PDZD2: variants seen among roughly 807,000 people sequenced by gnomAD.
PDZD2 encodes the protein PDZ domain-containing protein 2.
A neutral mutation model predicts 220.7 loss-of-function variants in PDZD2; 90 were observed. The ratio of observed to expected loss-of-function variants is 0.41; its 90% confidence interval spans 0.34 to 0.49. The LOEUF (loss-of-function observed/expected upper bound fraction) is 0.49. Among genes scored for constraint, PDZD2 ranks in the 20% least tolerant of loss-of-function variants. PDZD2 has a pLI of 0.28. For synonymous variants in PDZD2, 1,375 were observed against 1,450.5 expected (o/e 0.95, Z 1.18); for missense variants, 3,174 against 3,608.5 (o/e 0.88, Z 3.08).
At chr5:31,980,567 A>T (rs17510481) in intron 2 of PDZD2, among the ~76,000 whole-genome samples, 47,536 of 151,986 alleles carry the variant, frequency 0.31, 7,654 homozygotes, top group Middle Eastern at 0.41. Flanking sequence ...CCCTGCACTG[A>T]TTTGTTGACA....
intron 2 of PDZD2, among the ~76,000 whole-genome samples, chr5:31,841,608 G>T (rs1757309689): frequency 6.6e-6 from 1 of 151,960 alleles, no homozygotes; most frequent in African/African-American, 2.4e-5. Flanking sequence ...AGGAGGCGGA[G>T]GTTGCAGTGA....
chr5:32,049,033 G>T (rs1160009301), intron 8 of PDZD2, among the ~76,000 whole-genome samples: 3 of 152,164 alleles, frequency 2.0e-5, no homozygotes, highest in African/African-American at 7.2e-5. Flanking sequence ...ACAACTGTGG[G>T]TGGGTATGGG....
intron 1 of PDZD2, among the ~76,000 whole-genome samples, chr5:31,647,435 C>T (rs562428443): frequency 1.4e-4 from 21 of 152,246 alleles, no homozygotes; most frequent in South Asian, 4.1e-4. Flanking sequence ...TTCACAGGTC[C>T]GAAGTCTGAA....
chr5:31,976,000 G>C (rs1171050154), intron 2 of PDZD2, among the ~76,000 whole-genome samples: 1 of 151,696 alleles, frequency 6.6e-6, no homozygotes, highest in East Asian at 1.9e-4. Context: ...TCACTATGCT[G>C]CTCAGGCTGG....
chr5:31,891,028 A>G (rs1740978255), intron 2 of PDZD2, among the ~76,000 whole-genome samples: 1 of 151,760 alleles, frequency 6.6e-6, no homozygotes, highest in Non-Finnish European at 1.5e-5. Flanking sequence ...CAGAACCCTG[A>G]GCTGAGTGCC....
intron 2 of PDZD2, among the ~76,000 whole-genome samples, chr5:31,880,791 CTTTTTTTTTT>C (rs1037018187): frequency 2.6e-5 from 2 of 76,486 alleles, no homozygotes; most frequent in Non-Finnish European, 2.4e-5. Context: ...TTTTTTTTTT[CTTTTTTTTTT>C]TTTTTTTTTT....
intron 2 of PDZD2, among the ~76,000 whole-genome samples, chr5:31,858,151 C>CG (rs1758623405): frequency 6.6e-6 from 1 of 151,858 alleles, no homozygotes; most frequent in East Asian, 1.9e-4. Context: ...TTAGTAGAGG[C>CG]GGGGTTTCAC....
chr5:31,900,837 A>T (rs1187636140), intron 2 of PDZD2, among the ~76,000 whole-genome samples: 2 of 152,122 alleles, frequency 1.3e-5, no homozygotes, highest in Admixed American at 6.6e-5. Context: ...CCAGGCCCCA[A>T]GGTTTCTGTG....
At chr5:31,920,276 C>T (rs1744099076) in intron 2 of PDZD2, among the ~76,000 whole-genome samples, 1 of 145,120 alleles carries the variant, frequency 6.9e-6, no homozygotes, top group Non-Finnish European at 1.6e-5. Context: ...AGAGTGAGAC[C>T]CGGTTTCAAA....
At chr5:31,996,700 T>G (rs1751664505) in intron 4 of PDZD2, among the ~76,000 whole-genome samples, 1 of 152,160 alleles carries the variant, frequency 6.6e-6, no homozygotes, top group African/African-American at 2.4e-5. Flanking sequence ...AGAGTGAGAC[T>G]TCGTCTCGAT....
intron 1 of PDZD2, among the ~76,000 whole-genome samples, chr5:31,787,381 C>T (rs950746601): frequency 3.9e-5 from 6 of 152,170 alleles, no homozygotes; most frequent in African/African-American, 1.4e-4. Context: ...TCTTAAACCG[C>T]AGAGCTCACA....
intron 2 of PDZD2, among the ~76,000 whole-genome samples, chr5:31,876,452 C>G (rs1444124144): frequency 6.6e-6 from 1 of 151,936 alleles, no homozygotes; most frequent in East Asian, 1.9e-4. Context: ...GCCCTCATGC[C>G]TGGCTAATTT....
At chr5:31,817,293 A>G (rs376617103) in intron 2 of PDZD2, among the ~76,000 whole-genome samples, 1 of 151,982 alleles carries the variant, frequency 6.6e-6, no homozygotes, top group African/African-American at 2.4e-5. Context: ...CAGGAGTTCA[A>G]GAACAGCCTG....
At chr5:31,946,438 C>A (rs768666040) in intron 2 of PDZD2, among the ~76,000 whole-genome samples, 4 of 152,178 alleles carry the variant, frequency 2.6e-5, no homozygotes, top group Non-Finnish European at 4.4e-5. Flanking sequence ...TTGGGCCCTC[C>A]GGCGGGTCTG....
intron 3 of PDZD2, among the ~76,000 whole-genome samples, chr5:31,988,170 G>A (rs537824224): frequency 2.6e-5 from 4 of 152,246 alleles, no homozygotes; most frequent in African/African-American, 9.6e-5. Context: ...CAACATACAT[G>A]TGCATGCACA....
intron 6 of PDZD2, among the ~76,000 whole-genome samples, chr5:32,019,423 C>T (rs778908116): frequency 2.6e-5 from 4 of 152,138 alleles, no homozygotes; most frequent in Admixed American, 6.6e-5. Context: ...GGATTGCAGG[C>T]GTGAGCCACG....
At chr5:31,798,438 T>G (rs1754173388) in intron 1 of PDZD2, among the ~76,000 whole-genome samples, 1 of 152,182 alleles carries the variant, frequency 6.6e-6, no homozygotes, top group Non-Finnish European at 1.5e-5. Flanking sequence ...TCAGAACAGA[T>G]TTCTGGAATG....
chr5:31,680,999 C>T (rs1746631244), intron 1 of PDZD2, among the ~76,000 whole-genome samples: 1 of 151,958 alleles, frequency 6.6e-6, no homozygotes, highest in Admixed American at 6.6e-5. Context: ...TCCCAAGATC[C>T]CCCCACCTAC....
intron 1 of PDZD2, among the ~76,000 whole-genome samples, chr5:31,779,704 G>C (rs1377838964): frequency 6.6e-6 from 1 of 152,122 alleles, no homozygotes; most frequent in African/African-American, 2.4e-5. Context: ...GCCAAAAACA[G>C]AACCTGTTCA....
Sources: gnomAD v4.1 joint callset for allele counts (sites outside exome capture counted in the v4.1 genomes callset) on GRCh38, gnomAD v4.1.1 for gene constraint, MANE v1.5 for transcripts, NCBI Gene and HGNC (gene_info 2026-07-23, HGNC 2026-07-21) for gene names.